Variants in SPPL3 observed in about 807,000 individuals in gnomAD.
The protein encoded by SPPL3 is signal peptide peptidase-like 3.
Under a neutral mutation model 42.4 loss-of-function variants are expected in SPPL3, and 5 were observed. The observed-to-expected ratio is 0.12, with a 90% CI of 0.06 to 0.25. The LOEUF (loss-of-function observed/expected upper bound fraction) is 0.25. SPPL3 is among the 10% of genes least tolerant of loss of function. The pLI is 1.00. For synonymous variants in SPPL3, 195 were observed against 181.8 expected (o/e 1.07, Z -0.58); for missense variants, 235 against 489.0 (o/e 0.48, Z 4.90).
intron 1 of SPPL3, among the ~76,000 whole-genome samples, chr12:120,891,691 A>G (rs1410010204): frequency 5.3e-5 from 8 of 150,912 alleles, no homozygotes; most frequent in Non-Finnish European, 5.9e-5. Flanking sequence ...TTTTCACATG[A>G]GCATGTTACT....
rs371178289 is a variant in SPPL3 at position 120,773,173 on chromosome 12, G to A, written c.503-4114C>T. ...AGCCCCTGCTCTGATCAACTCACAC[G>A]CATATTTGAAAGGACAGGACCTCCC... On this transcript the variant is annotated intron_variant, in intron 6 of 10. Transcript: ENST00000353487. 4.2e-4 allele frequency among the ~76,000 whole-genome samples: 64 copies of A among 152,252 alleles called. No individual in the cohort carries two copies. In the South Asian group the frequency reaches 0.013, roughly 30 times the overall value.
chr12:120,850,511 AAAC>A (rs1415909611), intron 1 of SPPL3, among the ~76,000 whole-genome samples: 2,040 of 150,312 alleles, frequency 0.014, 47 homozygotes, highest in African/African-American at 0.047. Context: ...AAAAAAAAAA[AAAC>A]AAAAGCCAAA....
chr12:120,775,442 G>A (rs548645428), intron 6 of SPPL3, among the ~76,000 whole-genome samples: 34 of 152,260 alleles, frequency 2.2e-4, no homozygotes, highest in Non-Finnish European at 4.0e-4. Flanking sequence ...GTGAGCCACC[G>A]TGCCCGGTTG....
intron 2 of SPPL3, among the ~76,000 whole-genome samples, chr12:120,794,842 A>AT (rs1347236664): frequency 6.6e-6 from 1 of 152,084 alleles, no homozygotes; most frequent in Admixed American, 6.6e-5. Context: ...TTAATATAGC[A>AT]TTTTTTATGA....
rs602984 is a variant in SPPL3, at chr12:120,855,425, G to T, written c.24-44539C>A. Among the ~76,000 whole-genome samples, 3 of 151,876 alleles carry T rather than the reference G, an allele frequency of 2.0e-5. No individual in the cohort carries two copies. The East Asian group carries it at 5.8e-4, about 29-fold the overall frequency. On this transcript the variant is annotated intron_variant, in intron 1 of 10. Coordinates refer to ENST00000353487, the MANE Select transcript of SPPL3 (RefSeq NM_139015.5). ...AAAACAGGCCAGGCGCTGTGGCTCA[G>T]GCCTGTAATCCTAGCACTTTGGGAG...
chr12:120,786,753 A>G (rs759137151), intron 3 of SPPL3, among the ~76,000 whole-genome samples: 4 of 152,140 alleles, frequency 2.6e-5, no homozygotes, highest in African/African-American at 4.8e-5. Flanking sequence ...AACAATGTCC[A>G]TGACTTCAGT....
intron 1 of SPPL3, among the ~76,000 whole-genome samples, chr12:120,889,190 T>C (rs76828323): frequency 0.089 from 13,472 of 152,224 alleles, 1,746 homozygotes; most frequent in African/African-American, 0.29. Flanking sequence ...AGAAAGGGAC[T>C]TCTATGAAAT....
intron 6 of SPPL3, among the ~76,000 whole-genome samples, chr12:120,774,956 C>CTA (rs1440380613): frequency 1.3e-5 from 2 of 152,132 alleles, no homozygotes; most frequent in Non-Finnish European, 2.9e-5. Context: ...CAATTTATCA[C>CTA]TGATATCTCT....
At chr12:120,840,047 G>A (rs1049266452) in intron 1 of SPPL3, among the ~76,000 whole-genome samples, 1 of 151,914 alleles carries the variant, frequency 6.6e-6, no homozygotes, top group Non-Finnish European at 1.5e-5. Context: ...TTGGGAGGCC[G>A]AGGCGGGTGG....
At chr12:120,771,749 G>C (rs370503144) in intron 6 of SPPL3, among the ~76,000 whole-genome samples, 1 of 152,108 alleles carries the variant, frequency 6.6e-6, no homozygotes, top group African/African-American at 2.4e-5. Context: ...ACTCTTCATG[G>C]GGTCTTGTGG....
chr12:120,834,075 T>G (rs1428536694), intron 1 of SPPL3, among the ~76,000 whole-genome samples: 1 of 152,186 alleles, frequency 6.6e-6, no homozygotes, highest in Non-Finnish European at 1.5e-5. Context: ...TTATAGTATT[T>G]GGCCTGTAAG....
chr12:120,816,137 A>G (rs565780327), intron 1 of SPPL3, among the ~76,000 whole-genome samples: 15 of 152,244 alleles, frequency 9.9e-5, no homozygotes, highest in South Asian at 6.2e-4. Flanking sequence ...GTTTTTCTAG[A>G]TGAAGGTTTG....
chr12:120,836,604 T>C (rs1385213463), intron 1 of SPPL3, among the ~76,000 whole-genome samples: 2 of 152,124 alleles, frequency 1.3e-5, no homozygotes, highest in African/African-American at 4.8e-5. Flanking sequence ...AAATATAGCA[T>C]TTCTGGAAGG....
rs567447100 is a variant in SPPL3, at chr12:120,828,770, T to C, written c.24-17884A>G. 3.9e-5 allele frequency among the ~76,000 whole-genome samples: 6 copies of C among 152,358 alleles called. No individual in the cohort carries two copies. The South Asian group carries it at 1.2e-3, about 32-fold the overall frequency. ...GAGGAAAGAAAGTCTTTTTTGTTTG[T>C]GTTAGAGATGGAGTCTTGCTCTGTT... is the stretch of plus-strand genomic sequence containing the variant. On this transcript the variant is annotated intron_variant, in intron 1 of 10. Transcript: ENST00000353487.
At chr12:120,814,788 A>G (rs1027227778) in intron 1 of SPPL3, among the ~76,000 whole-genome samples, 3 of 152,182 alleles carry the variant, frequency 2.0e-5, no homozygotes, top group Non-Finnish European at 4.4e-5. Flanking sequence ...AACATACAAT[A>G]TAAGAACATT....
At chr12:120,842,580 A>C (rs1194673176) in intron 1 of SPPL3, among the ~76,000 whole-genome samples, 4 of 152,086 alleles carry the variant, frequency 2.6e-5, no homozygotes, top group Non-Finnish European at 4.4e-5. Context: ...GAAGTCCAAG[A>C]TTCAGGTGCC....
chr12:120,867,256 T>C (rs1188940731), intron 1 of SPPL3, among the ~76,000 whole-genome samples: 1 of 152,162 alleles, frequency 6.6e-6, no homozygotes, highest in African/African-American at 2.4e-5. Flanking sequence ...TGATGATAAA[T>C]GGTTGAAAAG....
At chr12:120,881,046 A>AAC (rs139801818) in intron 1 of SPPL3, among the ~76,000 whole-genome samples, 2,485 of 151,934 alleles carry the variant, frequency 0.016, 28 homozygotes, top group South Asian at 0.066. Context: ...ATTGAAAGAA[A>AAC]ACACACACAC....
At chr12:120,808,278 G>A (rs1017037252) in intron 2 of SPPL3, among the ~76,000 whole-genome samples, 2 of 151,910 alleles carry the variant, frequency 1.3e-5, no homozygotes, top group Non-Finnish European at 2.9e-5. Flanking sequence ...GTTTCACCAT[G>A]TTGTCCAGCC....
Sources: allele counts gnomAD v4.1 joint callset (sites outside exome capture counted in the v4.1 genomes callset), GRCh38; gene constraint gnomAD v4.1.1; transcripts MANE v1.5; gene names NCBI Gene and HGNC (gene_info 2026-07-23, HGNC 2026-07-21).